AFG3L2: variants seen among roughly 807,000 people sequenced by gnomAD.
AFG3L2 encodes AFG3 like matrix AAA peptidase subunit 2.
AFG3L2 carries 54 observed loss-of-function variants against 94.5 expected under a neutral mutation model. The observed-to-expected ratio is 0.57, with a 90% CI of 0.46 to 0.72. AFG3L2 has a LOEUF of 0.72. AFG3L2 is among the 30% of genes least tolerant of loss of function. AFG3L2 has a pLI of 0.00. For synonymous variants in AFG3L2, 377 were observed against 365.5 expected, an observed-to-expected ratio of 1.03 and a Z score of -0.36; for missense variants, 754 against 994.9, an observed-to-expected ratio of 0.76 and a Z score of 3.26.
intron 1 of AFG3L2, among the ~76,000 whole-genome samples, chr18:12,374,194 C>T (rs1470870512): frequency 6.6e-6 from 1 of 152,144 alleles, no homozygotes; most frequent in African/African-American, 2.4e-5. Flanking sequence ...ACTTCTTCTC[C>T]TCTGCATATG....
At chr18:12,369,267 C>G (rs1177140445) in intron 3 of AFG3L2, among the ~76,000 whole-genome samples, 1 of 152,112 alleles carries the variant, frequency 6.6e-6, no homozygotes, top group Non-Finnish European at 1.5e-5. Context: ...ACTCAAAGAC[C>G]ACCTAGCATG....
intron 1 of AFG3L2, among the ~76,000 whole-genome samples, chr18:12,375,253 C>T (rs1010508188): frequency 2.0e-5 from 3 of 148,414 alleles, no homozygotes; most frequent in Non-Finnish European, 3.0e-5. Flanking sequence ...CCTCCCCACC[C>T]CCGCTCTTTT....
chr18:12,338,907 A>G (rs993331855), intron 15 of AFG3L2, among the ~76,000 whole-genome samples: 3 of 152,206 alleles, frequency 2.0e-5, no homozygotes, highest in Admixed American at 6.5e-5. Context: ...GAAAAAATAC[A>G]TATCAAAGCC....
At chr18:12,348,176 A>G (rs909219566) in intron 13 of AFG3L2, 97 bp downstream of exon 13, 2 of 1,055,600 alleles carry the variant, frequency 1.9e-6, no homozygotes, top group African/African-American at 3.1e-5. Flanking sequence ...GAGTGGATAC[A>G]CTTTCTTTGC....
chr18:12,356,832 C>A lies in AFG3L2; in HGVS notation c.1027-1G>T. 3 of 1,613,862 alleles carry A rather than the reference C, an allele frequency of 1.9e-6. No individual in the cohort carries two copies. Among genetic ancestry groups the A allele is most frequent in the Non-Finnish European group, 2.5e-6 (3 of 1,179,974 alleles). On this transcript the variant is annotated splice_acceptor_variant, in intron 8 of 16. Transcript: ENST00000269143. LOFTEE classifies it high-confidence loss of function. Reference sequence around the variant, plus strand: ...CTGGAGGACCAGTGAGAATGGCACCCTTCAGATATGAAAAAAGAAATTACA... The same window carrying A: ...CTGGAGGACCAGTGAGAATGGCACCATTCAGATATGAAAAAAGAAATTACA...
rs148392842 is a variant in AFG3L2 at position 12,372,001 on chromosome 18, G to C, written c.115-310C>G. Among the ~76,000 whole-genome samples, 444 of 152,260 alleles carry C rather than the reference G, an allele frequency of 2.9e-3. 3 individuals are homozygous for C. Among genetic ancestry groups the C allele is most frequent in the East Asian group, 6.4e-3 (33 of 5,186 alleles). ...CACTTTGATGATGTTTGTTTAATTT[G>C]TAGCATTCAAAAGACAAACCCTGGC... On this transcript the variant is annotated intron_variant, in intron 1 of 16. Transcript: ENST00000269143.
intron 12 of AFG3L2, among the ~76,000 whole-genome samples, chr18:12,350,069 T>C (rs1010455125): frequency 4.6e-5 from 7 of 151,860 alleles, no homozygotes; most frequent in Non-Finnish European, 7.4e-5. Flanking sequence ...TGGAGTGCAG[T>C]GGGGTGATTT....
rs1265718117 is a variant in AFG3L2 at position 12,348,328 on chromosome 18, C to T, written c.1608G>A (p.Leu536=). Residue 536 remains leucine (L), a synonymous_variant, in exon 13 of 17, where the codon CTG becomes CTA. Transcript: ENST00000269143. ...AGTGTTTCTGATTTATGGAATCTGACAGATGCCTTGCAGCAATCAACGCAG... is the reference window on the plus strand; with the variant it reads ...AGTGTTTCTGATTTATGGAATCTGATAGATGCCTTGCAGCAATCAACGCAG... The part of the protein sequence containing the change: ...NEAALIAARH[L]SDSINQKHFE... 3.7e-6 allele frequency: 6 copies of T among 1,614,174 alleles called. No homozygotes were observed. The highest frequency in any genetic ancestry group is 3.3e-5 in the Admixed American group (2 of 60,016).
chr18:12,373,738 G>A (rs1298769050), intron 1 of AFG3L2, among the ~76,000 whole-genome samples: 1 of 152,158 alleles, frequency 6.6e-6, no homozygotes, highest in Non-Finnish European at 1.5e-5. Flanking sequence ...CACGGTGGGA[G>A]AAGGTCAATG....
rs1421286434 is a variant in AFG3L2, at chr18:12,340,293, C to T, written c.1888G>A (p.Gly630Ser). The T allele has an allele frequency of 1.9e-6, 3 of 1,614,060 alleles. No individual in the cohort carries two copies. Among genetic ancestry groups the T allele is most frequent in the Non-Finnish European group, 2.5e-6 (3 of 1,180,040 alleles). The change falls in exon 15 of 17, where the codon GGT (glycine) becomes AGT (serine). Residue 630 changes from glycine (G) to serine (S), a missense_variant. By Grantham distance (56) the Gly-to-Ser change is moderately conservative. Transcript: ENST00000269143. Reference sequence around the variant, plus strand: ...AAGATTTCTTCAGAGACTCGACCACCTAAAGTCATACACATCCTATCCAAG... The same window carrying T: ...AAGATTTCTTCAGAGACTCGACCACTTAAAGTCATACACATCCTATCCAAG... ...QLLDRMCMTL[G>S]GRVSEEIFFG...
chr18:12,367,093 C>T lies in AFG3L2; in HGVS notation c.424G>A (p.Asp142Asn), dbSNP rs542241761. 2 of 1,614,232 alleles carry T rather than the reference C, an allele frequency of 1.2e-6. No individual in the cohort carries two copies. The highest frequency in any genetic ancestry group is 2.7e-5 in the African/African-American group (2 of 75,068). Residue 142 changes from aspartate (D) to asparagine (N), a missense_variant, in exon 5 of 17, where the codon GAT becomes AAT. By Grantham distance (23) the Asp-to-Asn change is conservative. This residue lies in a region of AFG3L2 where 236 missense variants were observed against 214.0 expected (regional missense o/e 1.10). Coordinates refer to ENST00000269143, the MANE Select transcript of AFG3L2 (RefSeq NM_006796.3). ...QKGDIPWDDK[D>N]FRMFFLWTAL... is the part of the protein sequence containing the mutation. ...GTCCAGAGGAAGAACATCCTGAAATCCTTGTCGTCCCATGGAATGTCACCC... is the reference window on the plus strand; with the variant it reads ...GTCCAGAGGAAGAACATCCTGAAATTCTTGTCGTCCCATGGAATGTCACCC...
intron 15 of AFG3L2, among the ~76,000 whole-genome samples, chr18:12,338,989 T>C (rs1568134528): frequency 1.3e-5 from 2 of 152,058 alleles, no homozygotes; most frequent in Non-Finnish European, 2.9e-5. Flanking sequence ...GCACGGTGGC[T>C]CACGCCTGTA....
Position 12,377,041 on chromosome 18 carries a change from G to A in AFG3L2, c.42C>T (p.Cys14=), listed in dbSNP as rs1482918428. ...RCLRLWGRGG[C]WPRGLQQLLV... ...GGAGCTGCTGTAGGCCGCGGGGCCA[G>A]CAGCCGCCCCGGCCCCACAGCCGCA... The change falls in exon 1 of 17, where the codon TGC becomes TGT. Residue 14 remains cysteine (C), a synonymous_variant. Transcript: ENST00000269143. 2 of 1,438,486 alleles carry A rather than the reference G, an allele frequency of 1.4e-6. No homozygotes were observed. Among genetic ancestry groups the A allele is most frequent in the African/African-American group, 1.5e-5 (1 of 67,582 alleles). 89.1% of individuals were successfully genotyped at this position (1,438,486 alleles called of 1,614,324 possible). A position where few individuals can be genotyped will look rare whatever the true frequency, so the allele number is the denominator to read the frequency against.
chr18:12,349,011 T>C (rs543840897), intron 12 of AFG3L2, among the ~76,000 whole-genome samples: 9 of 152,258 alleles, frequency 5.9e-5, no homozygotes, highest in Non-Finnish European at 1.3e-4. Context: ...TGGAACAAGA[T>C]GATCATCTTC....
In AFG3L2 at chr18:12,344,156, C is replaced by T; in HGVS notation, c.1755G>A (p.Leu585=). 1 of 1,613,754 alleles carries T rather than the reference C, an allele frequency of 6.2e-7. No homozygotes were observed. The highest frequency in any genetic ancestry group is 8.5e-7 in the Non-Finnish European group (1 of 1,180,034). Residue 585 remains leucine, a synonymous_variant, in exon 14 of 17, where the codon CTG becomes CTA. Transcript: ENST00000269143. ...EAGHAVAGWY[L]EHADPLLKVS... is the part of the protein sequence containing the mutation. ...CCTTTAAAAGCGGGTCTGCGTGCTC[C>T]AGATACCAGCCGGCAACCGCATGGC...
chr18:12,362,986 T>C (rs1908706991), intron 6 of AFG3L2, among the ~76,000 whole-genome samples: 1 of 152,124 alleles, frequency 6.6e-6, no homozygotes, highest in South Asian at 2.1e-4. Context: ...CATCACTAGG[T>C]AGAGGGAATG....
chr18:12,369,608 C>G (rs1908913947), intron 3 of AFG3L2, among the ~76,000 whole-genome samples: 1 of 151,594 alleles, frequency 6.6e-6, no homozygotes, highest in Non-Finnish European at 1.5e-5. Flanking sequence ...ATAATCCCAG[C>G]TACTGTGGAG....
chr18:12,347,488 T>C (rs1437705247), intron 13 of AFG3L2, among the ~76,000 whole-genome samples: 1 of 152,200 alleles, frequency 6.6e-6, no homozygotes, highest in Non-Finnish European at 1.5e-5. Flanking sequence ...GCTCCCCCTA[T>C]GCTGACTGAG....
intron 1 of AFG3L2, among the ~76,000 whole-genome samples, chr18:12,372,253 G>A (rs911286598): frequency 5.9e-5 from 9 of 152,278 alleles, no homozygotes; most frequent in South Asian, 2.1e-4. Context: ...GCAGTGAGCC[G>A]AGATCACGCC....
Sources: allele counts gnomAD v4.1 joint callset (sites outside exome capture counted in the v4.1 genomes callset), GRCh38; gene constraint gnomAD v4.1.1; regional missense constraint gnomAD v4.1.1; transcripts MANE v1.5; gene names NCBI Gene and HGNC (gene_info 2026-07-23, HGNC 2026-07-21).